The following SMC1B variants were observed in gnomAD, a reference collection of about 807,000 sequenced individuals.
SMC1B encodes structural maintenance of chromosomes protein 1B.
SMC1B carries 60 observed loss-of-function variants against 157.9 expected under a neutral mutation model. The ratio of observed to expected loss-of-function variants is 0.38; its 90% CI spans 0.31 to 0.47. The LOEUF is 0.47. Among genes scored for constraint, SMC1B ranks in the 20% least tolerant of loss-of-function variants. SMC1B has a pLI of 0.99. For synonymous variants in SMC1B, 445 were observed against 483.0 expected (o/e 0.92, Z 1.03); for missense variants, 1,165 against 1,426.2 (o/e 0.82, Z 2.95).
intron 1 of SMC1B, among the ~76,000 whole-genome samples, chr22:45,412,294 G>A (rs191548074): frequency 1.3e-4 from 20 of 150,414 alleles, no homozygotes; most frequent in Non-Finnish European, 2.2e-4. Context: ...TCTGCCTCCC[G>A]GGTTCAAGCG....
intron 11 of SMC1B, among the ~76,000 whole-genome samples, chr22:45,384,719 CA>C (rs541797611): frequency 2.1e-3 from 254 of 119,396 alleles, no homozygotes; most frequent in Middle Eastern, 4.3e-3. Context: ...GACTCCATTT[CA>C]AAAAAAAAAA....
rs2146745030 is a variant in SMC1B, at chr22:45,344,159, C to T, written c.*397G>A. On this transcript the variant is annotated 3_prime_UTR_variant, in exon 25 of 25. Coordinates refer to ENST00000357450, the MANE Select transcript of SMC1B (RefSeq NM_148674.5). ...CCAGGTTCAACAGTTTATTAACAAT[C>T]TTATAACTAGTATGTTTAAAAACCA... The T allele has an allele frequency of 6.5e-6, 1 of 153,566 alleles. No individual in the cohort carries two copies. The highest frequency in any genetic ancestry group is 6.5e-5 in the Admixed American group (1 of 15,344). 9.5% of individuals were successfully genotyped at this position (153,566 alleles called of 1,614,324 possible).
At chr22:45,345,387 G>C in intron 24 of SMC1B, 72 bp downstream of exon 24, 1 of 836,300 alleles carries the variant, frequency 1.2e-6, no homozygotes, top group Non-Finnish European at 2.0e-6. Flanking sequence ...AATTAGGAAA[G>C]CCCAGTGGCT....
At chr22:45,369,506 T>G (rs1476330312) in intron 15 of SMC1B, among the ~76,000 whole-genome samples, 1 of 151,978 alleles carries the variant, frequency 6.6e-6, no homozygotes. Flanking sequence ...AAAAGTTAGA[T>G]CTCTTTGTAA....
At chr22:45,348,727 G>GT (rs767401191) in intron 23 of SMC1B, among the ~76,000 whole-genome samples, 1 of 149,072 alleles carries the variant, frequency 6.7e-6, no homozygotes, top group Admixed American at 6.7e-5. Flanking sequence ...TGTTTTTTTT[G>GT]TTTTGTTTTG....
At position 45,393,683 on chromosome 22, in the gene SMC1B, T is replaced by C. The variant is rs1315559010; in HGVS notation, c.1496A>G (p.Lys499Arg). 1 of 1,614,166 alleles carries C rather than the reference T, an allele frequency of 6.2e-7. No individual in the cohort carries two copies. The highest frequency in any genetic ancestry group is 1.7e-5 in the Admixed American group (1 of 60,022). The change falls in exon 9 of 25, where the codon AAG becomes AGG. Residue 499 changes from lysine to arginine, a missense_variant. Coordinates refer to ENST00000357450, the MANE Select transcript of SMC1B (RefSeq NM_148674.5). Reference sequence around the variant, plus strand: ...AAGGTGTTCCAGAACCTCTGCTCTCTTTTGCTGACGTTTTCCCTCATGGGT... The same window carrying C: ...AAGGTGTTCCAGAACCTCTGCTCTCCTTTGCTGACGTTTTCCCTCATGGGT... ...IDTHEGKRQQ[K>R]RAEVLEHLKR...
intron 12 of SMC1B, among the ~76,000 whole-genome samples, chr22:45,374,901 C>T (rs1193899858): frequency 6.6e-6 from 1 of 152,090 alleles, no homozygotes; most frequent in Non-Finnish European, 1.5e-5. Context: ...TTGGAACCTA[C>T]TCATCTAGAA....
At chr22:45,359,984 T>G in intron 17 of SMC1B, 26 bp from the exon 18 acceptor site, 2 of 1,593,806 alleles carry the variant, frequency 1.3e-6, no homozygotes, top group Non-Finnish European at 1.7e-6. Context: ...TATGAAAAAG[T>G]AATTTTACTC....
intron 21 of SMC1B, 62 bp downstream of exon 21, chr22:45,353,916 A>C (rs918813400): frequency 2.3e-5 from 19 of 833,568 alleles, no homozygotes; most frequent in Middle Eastern, 3.2e-4. Context: ...AAAAAAAAAA[A>C]AAAACAACCA....
chr22:45,353,923 A>AAAAAAAAAAAAAAC (rs1260500469), intron 21 of SMC1B, 55 bp downstream of exon 21: 13 of 1,037,012 alleles, frequency 1.3e-5, no homozygotes, highest in Admixed American at 2.9e-5. Context: ...AAAAAAAACA[A>AAAAAAAAAAAAAAC]CCACCACCGG....
intron 16 of SMC1B, among the ~76,000 whole-genome samples, 170 bp downstream of exon 16, chr22:45,362,715 G>A (rs534322213): frequency 6.6e-6 from 1 of 152,224 alleles, no homozygotes; most frequent in South Asian, 2.1e-4. Context: ...TTCCTCCCAT[G>A]TTGACATCCA....
rs767160059 is a variant in SMC1B, at chr22:45,402,456, T to G, written c.731A>C (p.His244Pro). Residue 244 changes from histidine (H) to proline (P), a missense_variant, in exon 5 of 25, where the codon CAT becomes CCT. His to Pro is a moderately conservative substitution (Grantham distance 77). Transcript: ENST00000357450. ...TTTGACACTCAAATCCCTATTCACA[T>G]GCTCTAACTTGGTGTTCAGGAGATG... ...KIHLLNTKLE[H>P]VNRDLSVKRE... The G allele has an allele frequency of 9.3e-6, 15 of 1,613,848 alleles. No individual in the cohort carries two copies. Among genetic ancestry groups the G allele is most frequent in the Non-Finnish European group, 1.3e-5 (15 of 1,179,908 alleles).
chr22:45,401,139 C>T (rs769856691), intron 5 of SMC1B, among the ~76,000 whole-genome samples: 2 of 152,120 alleles, frequency 1.3e-5, no homozygotes, highest in Non-Finnish European at 2.9e-5. Flanking sequence ...TTTATTAATT[C>T]TGACAATGTA....
Position 45,396,441 on chromosome 22 carries a change from C to CTACT in SMC1B, c.1155_1158dup (p.Ala387SerfsTer19). ...TTTTCCAGTTGTTGAGTCATTGTAG[C>CTACT]TACTTTCTTTCTTACTTGTTCCTTA... On this transcript the variant is annotated frameshift_variant, in exon 7 of 25. Coordinates refer to ENST00000357450, the MANE Select transcript of SMC1B (RefSeq NM_148674.5). LOFTEE classifies it high-confidence loss of function. The CTACT allele has an allele frequency of 6.2e-7, 1 of 1,613,338 alleles. No individual in the cohort carries two copies.
intron 13 of SMC1B, 148 bp downstream of exon 13, chr22:45,372,007 C>T: frequency 6.5e-6 from 4 of 617,674 alleles, no homozygotes; most frequent in Non-Finnish European, 1.0e-5. Flanking sequence ...AAAGCCACTG[C>T]ACTCCAGCCT....
intron 4 of SMC1B, 107 bp from the exon 5 acceptor site, chr22:45,402,678 T>C: frequency 1.2e-6 from 1 of 803,756 alleles, no homozygotes; most frequent in Middle Eastern, 2.5e-4. Context: ...TGTTTATTTA[T>C]TAGGACATAA....
chr22:45,359,834 C>G lies in SMC1B; in HGVS notation c.2833G>C (p.Gly945Arg). ...VQDIEIILLSGSLDDIIEVEM... is the reference protein window; with the variant it reads ...VQDIEIILLSRSLDDIIEVEM... ...ACTTCAATGATGTCATCCAGTGACC[C>G]CGACAAAAGGATTATCTCAATGTCT... Residue 945 changes from glycine (G) to arginine (R), a missense_variant, in exon 18 of 25, where the codon GGG becomes CGG. Transcript: ENST00000357450. The G allele has an allele frequency of 6.2e-7, 1 of 1,613,674 alleles. No homozygotes were observed. The highest frequency in any genetic ancestry group is 8.5e-7 in the Non-Finnish European group (1 of 1,179,758).
intron 15 of SMC1B, among the ~76,000 whole-genome samples, chr22:45,367,648 G>T (rs73889904): frequency 0.013 from 1,944 of 152,300 alleles, 46 homozygotes; most frequent in African/African-American, 0.044. Context: ...CTTCCTATGG[G>T]CTGAGGCAGG....
In SMC1B at chr22:45,348,927, C is replaced by T. The variant is rs1345693635; in HGVS notation, c.3495+801G>A. On this transcript the variant is annotated intron_variant, in intron 23 of 24. Coordinates refer to ENST00000357450, the MANE Select transcript of SMC1B (RefSeq NM_148674.5). ...TTATGTTGCCCAGGCTGGTCTCAAA[C>T]TCTTGGACTCAAGCAATCCACCCGC... 2.6e-5 allele frequency among the ~76,000 whole-genome samples: 4 copies of T among 151,918 alleles called. No homozygotes were observed. The East Asian group carries it at 7.7e-4, about 29-fold the overall frequency.
Sources: allele counts gnomAD v4.1 joint callset (sites outside exome capture counted in the v4.1 genomes callset), GRCh38; gene constraint gnomAD v4.1.1; transcripts MANE v1.5; gene names NCBI Gene and HGNC (gene_info 2026-07-23, HGNC 2026-07-21).